The following USO1 variants were observed in gnomAD, a reference collection of about 807,000 sequenced individuals.
USO1 encodes USO1 vesicle transport factor, also known as general vesicular transport factor p115.
In USO1, 57 loss-of-function variants were observed where a neutral mutation model predicts 124.5. That is an observed-to-expected ratio of 0.46 (90% CI 0.37 to 0.57). USO1 has a LOEUF of 0.57. USO1 is among the 20% of genes least tolerant of loss of function. The probability of loss-of-function intolerance (pLI) is 0.00; values close to 1 mark genes in which losing one functional copy is unlikely to be tolerated. For synonymous variants in USO1, 369 were observed against 362.8 expected, an observed-to-expected ratio of 1.02 and a Z score of -0.19; for missense variants, 900 against 1,040.6, an observed-to-expected ratio of 0.86 and a Z score of 1.86.
intron 13 of USO1, 78 bp downstream of exon 13, chr4:75,793,979 T>C (rs1722605090): frequency 3.2e-6 from 5 of 1,569,896 alleles, no homozygotes; most frequent in South Asian, 2.4e-5. Context: ...CTTTAGAAGA[T>C]GCAGATGAAA....
At chr4:75,763,446 G>A (rs1172908035) in intron 4 of USO1, among the ~76,000 whole-genome samples, 6 of 152,052 alleles carry the variant, frequency 3.9e-5, no homozygotes, top group African/African-American at 4.8e-5. Flanking sequence ...CTAGCTGTAG[G>A]ATAATGTAAG....
At chr4:75,781,937 A>G (rs367685778) in intron 8 of USO1, among the ~76,000 whole-genome samples, 6 of 152,196 alleles carry the variant, frequency 3.9e-5, no homozygotes, top group Admixed American at 2.0e-4. Flanking sequence ...GTAGAGATCA[A>G]TTGGAGAGTT....
rs201391094 is a variant in USO1 at position 75,774,678 on chromosome 4, C to A, written c.558C>A (p.Gly186=). The change falls in exon 8 of 24, where the codon GGC becomes GGA. Residue 186 remains glycine (G), a splice_region_variant and synonymous_variant. Transcript: ENST00000514213. ...ADSREVIRND[G]VLLLQALTRS... ...AACATTCTCTTTCTTCTCTATAGGG[C>A]GTCTTACTACTGCAGGCACTAACAA... is the stretch of plus-strand genomic sequence containing the variant. The A allele has an allele frequency of 1.2e-6, 2 of 1,610,810 alleles. No individual in the cohort carries two copies. Among genetic ancestry groups the A allele is most frequent in the Non-Finnish European group, 1.7e-6 (2 of 1,178,546 alleles).
Position 75,727,264 on chromosome 4 carries a change from C to T in USO1, c.66+2379C>T, listed in dbSNP as rs186325320. ...AGAGTTGGAGCTAGAACATTTTGATCTTGCCACTGTGGATGGAACAACATA... is the reference window on the plus strand; with the variant it reads ...AGAGTTGGAGCTAGAACATTTTGATTTTGCCACTGTGGATGGAACAACATA... On this transcript the variant is annotated intron_variant, in intron 1 of 23. Coordinates refer to ENST00000514213, the MANE Select transcript of USO1 (RefSeq NM_003715.4). 1.2e-4 allele frequency among the ~76,000 whole-genome samples: 19 copies of T among 152,302 alleles called. No homozygotes were observed. In the East Asian group the frequency reaches 2.9e-3, roughly 23 times the overall value.
chr4:75,736,244 G>A (rs953049304), intron 1 of USO1, among the ~76,000 whole-genome samples: 6 of 136,182 alleles, frequency 4.4e-5, no homozygotes, highest in South Asian at 2.3e-4. Flanking sequence ...ATATATATTT[G>A]TATTAGCATA....
In USO1 at chr4:75,800,770, A is replaced by C; in HGVS notation, c.1835A>C (p.Glu612Ala). 6.2e-7 allele frequency: 1 copy of C among 1,613,398 alleles called. No individual in the cohort carries two copies. Among genetic ancestry groups the C allele is most frequent in the Non-Finnish European group, 8.5e-7 (1 of 1,179,690 alleles). Residue 612 changes from glutamate to alanine, a missense_variant, in exon 16 of 24, where the codon GAG becomes GCG. By Grantham distance (107) the Glu-to-Ala change is moderately radical. This residue lies in a region of USO1 where 538 missense variants were observed against 681.6 expected (regional missense o/e 0.79). Transcript: ENST00000514213. ...PSPEYMIFDH[E>A]FTKLVKELEG... ...CCAGAATACATGATATTTGATCATG[A>C]GTTTACGAAGCTGGTAAAAGAACTT...
chr4:75,732,404 CACTATTGATGGACACCTAGGTTG>C (rs1162765015), intron 1 of USO1, among the ~76,000 whole-genome samples: 1 of 152,094 alleles, frequency 6.6e-6, no homozygotes, highest in Non-Finnish European at 1.5e-5. Context: ...TTATCCAGTC[CACTATTGATGGACACCTAGGTTG>C]ACTCCACATC....
chr4:75,740,918 T>C (rs1209107053), intron 1 of USO1, among the ~76,000 whole-genome samples: 1 of 152,222 alleles, frequency 6.6e-6, no homozygotes, highest in Admixed American at 6.5e-5. Context: ...TCTACAGTGT[T>C]GTCTTTTGTA....
intron 7 of USO1, among the ~76,000 whole-genome samples, chr4:75,773,066 C>T (rs930951403): frequency 4.6e-5 from 7 of 151,926 alleles, no homozygotes; most frequent in Admixed American, 4.6e-4. Flanking sequence ...CCATTGCACT[C>T]CAGCGTGGGC....
At chr4:75,743,100 T>A (rs559916526) in intron 1 of USO1, among the ~76,000 whole-genome samples, 69 of 151,380 alleles carry the variant, frequency 4.6e-4, no homozygotes, top group African/African-American at 1.5e-3. Flanking sequence ...TTCTCCTGCC[T>A]CAGCCTCCCG....
At chr4:75,726,269 G>A (rs1407389491) in intron 1 of USO1, among the ~76,000 whole-genome samples, 1 of 110,048 alleles carries the variant, frequency 9.1e-6, no homozygotes, top group Non-Finnish European at 1.7e-5. Context: ...CAACAAGAGC[G>A]AAACTCTGTC....
At chr4:75,792,839 T>C (rs1722569609) in intron 12 of USO1, among the ~76,000 whole-genome samples, 1 of 152,184 alleles carries the variant, frequency 6.6e-6, no homozygotes, top group Non-Finnish European at 1.5e-5. Context: ...CCCACTACCC[T>C]GCCCTGCCTC....
chr4:75,728,526 T>C (rs1276873271), intron 1 of USO1, among the ~76,000 whole-genome samples: 1 of 152,148 alleles, frequency 6.6e-6, no homozygotes, highest in Non-Finnish European at 1.5e-5. Flanking sequence ...GGCACATGCC[T>C]ATAATCTCAG....
chr4:75,725,520 C>T (rs1349439435), intron 1 of USO1, among the ~76,000 whole-genome samples: 2 of 151,720 alleles, frequency 1.3e-5, no homozygotes, highest in African/African-American at 4.8e-5. Flanking sequence ...CAAATGCTAC[C>T]TTGAACGTAG....
intron 23 of USO1, among the ~76,000 whole-genome samples, 152 bp downstream of exon 23, chr4:75,812,527 G>A (rs1723179081): frequency 6.6e-6 from 1 of 152,134 alleles, no homozygotes; most frequent in Admixed American, 6.5e-5. Flanking sequence ...TGTTTTCACT[G>A]TTTTCATTGA....
intron 1 of USO1, among the ~76,000 whole-genome samples, chr4:75,725,251 C>T (rs1720385245): frequency 6.6e-6 from 1 of 152,180 alleles, no homozygotes; most frequent in African/African-American, 2.4e-5. Flanking sequence ...CCCTCTTTCT[C>T]TTTCGCTCGT....
chr4:75,755,861 C>T (rs1721426031), intron 3 of USO1, among the ~76,000 whole-genome samples: 1 of 152,016 alleles, frequency 6.6e-6, no homozygotes, highest in Non-Finnish European at 1.5e-5. Flanking sequence ...AGTGTTATCA[C>T]AGGGTCCTTA....
chr4:75,802,939 C>G (rs991194170), intron 17 of USO1, among the ~76,000 whole-genome samples: 1 of 150,148 alleles, frequency 6.7e-6, no homozygotes, highest in African/African-American at 2.4e-5. Flanking sequence ...AAAAAATTAG[C>G]TGGGGATGGT....
At chr4:75,726,322 A>G (rs1005852175) in intron 1 of USO1, among the ~76,000 whole-genome samples, 3 of 149,922 alleles carry the variant, frequency 2.0e-5, no homozygotes, top group Non-Finnish European at 2.9e-5. Flanking sequence ...AACTTGACCA[A>G]TGTCACACTG....
Sources: gnomAD v4.1 joint callset for allele counts (sites outside exome capture counted in the v4.1 genomes callset) on GRCh38, gnomAD v4.1.1 for gene constraint, gnomAD v4.1.1 regional missense constraint, MANE v1.5 for transcripts, NCBI Gene and HGNC (gene_info 2026-07-23, HGNC 2026-07-21) for gene names.